Variants in TXLNG observed in about 807,000 individuals in gnomAD.
TXLNG encodes the protein gamma-taxilin.
In TXLNG, 5 loss-of-function variants were observed where a neutral mutation model predicts 38.8. That is an observed-to-expected ratio of 0.13 (90% CI 0.07 to 0.27). The LOEUF (loss-of-function observed/expected upper bound fraction) is 0.27, where lower values mean the gene tolerates loss of function less well. Ranked by LOEUF, TXLNG falls within the 10% of genes least tolerant of loss-of-function variation. The probability of loss-of-function intolerance (pLI) is 1.00; values close to 1 mark genes in which losing one functional copy is unlikely to be tolerated. For synonymous variants in TXLNG, 182 were observed against 158.2 expected (o/e 1.15, Z -1.13); for missense variants, 393 against 398.2 (o/e 0.99, Z 0.11).
intron 3 of TXLNG, among the ~76,000 whole-genome samples, chrX:16,822,122 A>T (rs1380620306): frequency 9.1e-6 from 1 of 110,243 alleles, no homozygotes; most frequent in Non-Finnish European, 1.9e-5. Context: ...GTGGATCACG[A>T]GGTCAGGAGA....
rs777951616 is a variant in TXLNG at position 16,838,274 on chromosome X, C to T, written c.1152+589C>T. ...TATAATTCTATGCATATCCAGCCAG[C>T]CAGCCAGCCTTATTTTACTTGGCAT... is the stretch of plus-strand genomic sequence containing the variant. On this transcript the variant is annotated intron_variant, in intron 8 of 9. Coordinates refer to ENST00000380122, the MANE Select transcript of TXLNG (RefSeq NM_018360.3). Among the ~76,000 whole-genome samples the T allele has an allele frequency of 2.7e-5, 3 of 111,908 alleles. No homozygotes were observed. The South Asian group carries it at 1.1e-3, about 42-fold the overall frequency.
At chrX:16,821,649 A>ACTGTTT (rs1928962267) in intron 3 of TXLNG, among the ~76,000 whole-genome samples, 1 of 112,569 alleles carries the variant, frequency 8.9e-6, no homozygotes, top group Non-Finnish European at 1.9e-5. Flanking sequence ...AGTTAATTCC[A>ACTGTTT]TATCATAAGC....
At position 16,791,481 on chromosome X, in the gene TXLNG, G is replaced by T. The variant is rs759263958; in HGVS notation, c.102+4892G>T. On this transcript the variant is annotated intron_variant, in intron 1 of 9. Transcript: ENST00000380122. The stretch of plus-strand genomic sequence containing the variant: ...GGGATCAAATAGGACAAGCAGTAAT[G>T]AGAACAAACCAGATACAGCATATTC... 4.4e-5 allele frequency among the ~76,000 whole-genome samples: 5 copies of T among 112,419 alleles called. No individual in the cohort carries two copies. The South Asian group carries it at 1.1e-3, about 25-fold the overall frequency.
At chrX:16,807,740 T>G (rs1928382333) in intron 1 of TXLNG, among the ~76,000 whole-genome samples, 1 of 111,307 alleles carries the variant, frequency 9.0e-6, no homozygotes, top group Admixed American at 9.7e-5. Context: ...CCTCTGAAGG[T>G]CCACTCTAGC....
At chrX:16,793,062 A>C (rs1190287776) in intron 1 of TXLNG, among the ~76,000 whole-genome samples, 3 of 107,489 alleles carry the variant, frequency 2.8e-5, no homozygotes, top group Non-Finnish European at 5.8e-5. Flanking sequence ...GTGCCATTAT[A>C]CTCCAGCCTG....
rs375328504 is a variant in TXLNG, at chrX:16,841,788, T to C, written c.*22T>C. 8.5e-7 allele frequency: 1 copy of C among 1,169,593 alleles called. No individual in the cohort carries two copies. Among genetic ancestry groups the C allele is most frequent in the Non-Finnish European group, 1.1e-6 (1 of 869,765 alleles). ...CTAAGATGAGGTGTGATCACTGTAT[T>C]GAGAGATATATTTTGTGTATAACTT... On this transcript the variant is annotated 3_prime_UTR_variant, in exon 10 of 10. Transcript: ENST00000380122.
chrX:16,828,943 C>T (rs973729093), intron 4 of TXLNG, among the ~76,000 whole-genome samples: 1 of 111,274 alleles, frequency 9.0e-6, no homozygotes, highest in Non-Finnish European at 1.9e-5. Context: ...TAAGTGCACT[C>T]TTGAAATGGA....
At chrX:16,832,558 A>T in intron 5 of TXLNG, 65 bp from the exon 6 acceptor site, 1 of 1,199,281 alleles carries the variant, frequency 8.3e-7, no homozygotes, top group Non-Finnish European at 1.1e-6. Flanking sequence ...AACTGCTGTG[A>T]TGTTTCCTCC....
intron 1 of TXLNG, among the ~76,000 whole-genome samples, chrX:16,809,895 T>G (rs1928455243): frequency 8.9e-6 from 1 of 112,073 alleles, no homozygotes; most frequent in South Asian, 3.6e-4. Flanking sequence ...TTCCCATTAT[T>G]AAATAGGCTT....
chrX:16,832,718 A>G lies in TXLNG; in HGVS notation c.960A>G (p.Glu320=). 8.3e-7 allele frequency: 1 copy of G among 1,204,927 alleles called. No homozygotes were observed. The highest frequency in any genetic ancestry group is 1.1e-6 in the Non-Finnish European group (1 of 893,227). ...QTTQLIKEAD[E]KHQREREFLL... The stretch of plus-strand genomic sequence containing the variant: ...CACAACTGATAAAAGAAGCTGATGA[A>G]AAACATCAGAGAGAGAGAGAGTTTG... Residue 320 remains glutamate, a synonymous_variant, in exon 6 of 10, where the codon GAA becomes GAG. Transcript: ENST00000380122.
chrX:16,833,435 C>G (rs1420931683), intron 6 of TXLNG, among the ~76,000 whole-genome samples: 3 of 111,839 alleles, frequency 2.7e-5, no homozygotes, highest in Non-Finnish European at 5.6e-5. Flanking sequence ...ATCCACAGCC[C>G]TGACATGAGC....
At chrX:16,822,129 G>C (rs1240848446) in intron 3 of TXLNG, among the ~76,000 whole-genome samples, 1 of 110,185 alleles carries the variant, frequency 9.1e-6, no homozygotes, top group Non-Finnish European at 1.9e-5. Flanking sequence ...ACGAGGTCAG[G>C]AGATCAAGAC....
intron 3 of TXLNG, among the ~76,000 whole-genome samples, chrX:16,826,550 T>C (rs1929172895): frequency 8.9e-6 from 1 of 111,770 alleles, no homozygotes; most frequent in Non-Finnish European, 1.9e-5. Context: ...GAGTGCTGTT[T>C]ACTGAGTTTT....
At chrX:16,786,695 C>A in intron 1 of TXLNG, 106 bp downstream of exon 1, 1 of 490,710 alleles carries the variant, frequency 2.0e-6, no homozygotes, top group Non-Finnish European at 2.8e-6. Context: ...AGCCACGGGA[C>A]GAACATCCGG....
intron 1 of TXLNG, among the ~76,000 whole-genome samples, chrX:16,813,139 T>G (rs763188329): frequency 3.6e-5 from 4 of 111,513 alleles, no homozygotes; most frequent in Non-Finnish European, 7.5e-5. Context: ...GCAAAAGATC[T>G]GAAAAACATT....
intron 1 of TXLNG, among the ~76,000 whole-genome samples, chrX:16,806,223 A>G (rs1454312804): frequency 8.9e-6 from 1 of 112,497 alleles, no homozygotes; most frequent in Non-Finnish European, 1.9e-5. Flanking sequence ...CCCTCAAAAT[A>G]CTGGAAGCGT....
intron 1 of TXLNG, among the ~76,000 whole-genome samples, chrX:16,804,981 C>A (rs749981211): frequency 2.4e-4 from 1 of 4,153 alleles, no homozygotes; most frequent in South Asian, 0.028. Context: ...ACCCCCCCCC[C>A]CCGCTTTTTT....
At chrX:16,815,624 C>T (rs916814257) in intron 1 of TXLNG, among the ~76,000 whole-genome samples, 9 of 110,976 alleles carry the variant, frequency 8.1e-5, no homozygotes, top group Non-Finnish European at 1.7e-4. Flanking sequence ...CGGGTTCAAG[C>T]GATTCTCCTG....
intron 1 of TXLNG, among the ~76,000 whole-genome samples, 156 bp downstream of exon 1, chrX:16,786,745 G>T (rs1283092264): frequency 2.9e-5 from 3 of 103,798 alleles, no homozygotes; most frequent in Admixed American, 2.0e-4. Flanking sequence ...GGGAGCAGGT[G>T]GGGGGGGGTG....
Sources: allele counts gnomAD v4.1 joint callset (sites outside exome capture counted in the v4.1 genomes callset), GRCh38; gene constraint gnomAD v4.1.1; transcripts MANE v1.5; gene names NCBI Gene and HGNC (gene_info 2026-07-23, HGNC 2026-07-21).